BCKDHB: variants seen among roughly 807,000 people sequenced by gnomAD.
BCKDHB encodes branched chain keto acid dehydrogenase E1 subunit beta.
Under a neutral mutation model 48.5 loss-of-function variants are expected in BCKDHB, and 41 were observed. The observed-to-expected ratio is 0.85, with a 90% CI of 0.66 to 1.10. The LOEUF (loss-of-function observed/expected upper bound fraction) is 1.10, where lower values mean the gene tolerates loss of function less well. Among genes scored for constraint, BCKDHB ranks in the 50% least tolerant of loss-of-function variants. The pLI is 0.00. For missense variants in BCKDHB, 496 were observed against 494.2 expected (o/e 1.00, Z -0.03); for synonymous variants, 201 against 174.8 (o/e 1.15, Z -1.18).
chr6:80,440,280 A>G, the BCKDHB span, among the ~76,000 whole-genome samples: 1 of 152,216 alleles, frequency 6.6e-6, no homozygotes, highest in Non-Finnish European at 1.5e-5. Context: ...GTAAAAGGTA[A>G]TACAATGACT....
At chr6:80,201,136 C>T (rs1285111144) in intron 7 of BCKDHB, 105 bp downstream of exon 7, 15 of 934,228 alleles carry the variant, frequency 1.6e-5, no homozygotes, top group Non-Finnish European at 2.4e-5. Context: ...CTTTATATCT[C>T]AGATTAAGTC....
chr6:80,117,579 G>A (rs1476552825), intron 1 of BCKDHB, among the ~76,000 whole-genome samples: 1 of 152,226 alleles, frequency 6.6e-6, no homozygotes, highest in Non-Finnish European at 1.5e-5. Context: ...ACGCTGCAAA[G>A]TTGTGGGTTT....
intron 8 of BCKDHB, among the ~76,000 whole-genome samples, chr6:80,270,938 A>G (rs1562191979): frequency 6.6e-6 from 1 of 152,116 alleles, no homozygotes; most frequent in African/African-American, 2.4e-5. Context: ...AATGTTTGGC[A>G]CTAATTCAAG....
At chr6:80,390,958 A>G in the BCKDHB span, among the ~76,000 whole-genome samples, 2 of 152,116 alleles carry the variant, frequency 1.3e-5, no homozygotes, top group African/African-American at 4.8e-5. Flanking sequence ...GAAAAACGTG[A>G]AAAGGAGAGA....
the BCKDHB span, among the ~76,000 whole-genome samples, chr6:80,456,630 G>A: frequency 6.6e-6 from 1 of 152,208 alleles, no homozygotes; most frequent in African/African-American, 2.4e-5. Context: ...TAGCCTGAAG[G>A]TCCTGCCAGT....
chr6:80,428,874 A>C, the BCKDHB span, among the ~76,000 whole-genome samples: 1 of 152,162 alleles, frequency 6.6e-6, no homozygotes, highest in South Asian at 2.1e-4. Context: ...TCATTAGTTC[A>C]ATTAGATCCC....
the BCKDHB span, among the ~76,000 whole-genome samples, chr6:80,369,027 C>CA: frequency 2.1e-5 from 3 of 145,988 alleles, no homozygotes; most frequent in Non-Finnish European, 4.5e-5. Context: ...AAAAAAAAAA[C>CA]AAAAGAAAAG....
At chr6:80,133,985 C>G (rs574903450) in intron 3 of BCKDHB, among the ~76,000 whole-genome samples, 1 of 152,098 alleles carries the variant, frequency 6.6e-6, no homozygotes, top group African/African-American at 2.4e-5. Flanking sequence ...ACAGATTCCT[C>G]ATGGCATATA....
At chr6:80,280,984 AG>A (rs1206540945) in intron 9 of BCKDHB, among the ~76,000 whole-genome samples, 20 of 152,074 alleles carry the variant, frequency 1.3e-4, no homozygotes, top group African/African-American at 4.8e-4. Context: ...ATAGAGGTGC[AG>A]TTTCACTGAG....
intron 1 of BCKDHB, chr6:80,127,303 CCTT>C (rs1330040129): frequency 2.2e-6 from 1 of 460,090 alleles, no homozygotes; most frequent in African/African-American, 2.0e-5. Context: ...TGGTTATATT[CCTT>C]CTTCCTGTTT....
intron 8 of BCKDHB, 46 bp downstream of exon 8, chr6:80,203,258 G>T: frequency 7.6e-7 from 1 of 1,323,248 alleles, no homozygotes; most frequent in Non-Finnish European, 1.1e-6. Context: ...GAAACCTTTG[G>T]CCAAATATGT....
chr6:80,330,840 C>A (rs1429587977), intron 9 of BCKDHB, among the ~76,000 whole-genome samples: 1 of 151,996 alleles, frequency 6.6e-6, no homozygotes, highest in African/African-American at 2.4e-5. Flanking sequence ...AATTTTTTTT[C>A]TGCCCAGACC....
At chr6:80,334,006 C>T (rs1195714709) in intron 9 of BCKDHB, among the ~76,000 whole-genome samples, 2 of 152,050 alleles carry the variant, frequency 1.3e-5, no homozygotes, top group Non-Finnish European at 2.9e-5. Flanking sequence ...TATCAGCATA[C>T]CATTTACCCA....
At chr6:80,319,973 C>T (rs1466307938) in intron 9 of BCKDHB, among the ~76,000 whole-genome samples, 2 of 152,128 alleles carry the variant, frequency 1.3e-5, no homozygotes. Context: ...AATGTAAATA[C>T]TGCTAAATTT....
At chr6:80,370,816 A>G in the BCKDHB span, among the ~76,000 whole-genome samples, 171 of 125,472 alleles carry the variant, frequency 1.4e-3, 1 homozygote, top group East Asian at 9.9e-3. Context: ...GTGTATATAT[A>G]TATGTGTGTG....
intron 8 of BCKDHB, among the ~76,000 whole-genome samples, chr6:80,226,929 A>C (rs1775705658): frequency 6.6e-6 from 1 of 152,168 alleles, no homozygotes; most frequent in Non-Finnish European, 1.5e-5. Context: ...TTGCTGGATG[A>C]CCTTGGGCAA....
At chr6:80,156,307 G>A (rs1772043652) in intron 3 of BCKDHB, among the ~76,000 whole-genome samples, 1 of 151,808 alleles carries the variant, frequency 6.6e-6, no homozygotes, top group Admixed American at 6.6e-5. Flanking sequence ...ATGGTAATGT[G>A]AAGGCCAACT....
intron 3 of BCKDHB, among the ~76,000 whole-genome samples, chr6:80,164,723 G>A (rs979353143): frequency 3.3e-5 from 5 of 152,136 alleles, no homozygotes; most frequent in Non-Finnish European, 1.5e-5. Flanking sequence ...GAGCCTTAGA[G>A]TGTTTAGTAA....
chr6:80,438,675 A>C, the BCKDHB span, among the ~76,000 whole-genome samples: 1 of 152,186 alleles, frequency 6.6e-6, no homozygotes, highest in Non-Finnish European at 1.5e-5. Context: ...TCTAGCTCCA[A>C]TTAGAGAAGT....
Sources: gnomAD v4.1 joint callset for allele counts (sites outside exome capture counted in the v4.1 genomes callset) on GRCh38, gnomAD v4.1.1 for gene constraint, MANE v1.5 for transcripts, NCBI Gene and HGNC (gene_info 2026-07-23, HGNC 2026-07-21) for gene names.